Variants in AOPEP observed in about 807,000 individuals in gnomAD.
AOPEP encodes aminopeptidase O (putative), also known as aminopeptidase O.
A neutral mutation model predicts 98.1 loss-of-function variants in AOPEP; 77 were observed. The observed-to-expected ratio is 0.78, with a 90% CI of 0.65 to 0.95. AOPEP has a LOEUF of 0.95. Among genes scored for constraint, AOPEP ranks in the 40% least tolerant of loss-of-function variants. The probability of loss-of-function intolerance (pLI) is 0.00; values close to 1 mark genes in which losing one functional copy is unlikely to be tolerated. For missense variants in AOPEP, 1,024 were observed against 1,024.7 expected (o/e 1.00, Z 0.01); for synonymous variants, 346 against 365.3 (o/e 0.95, Z 0.60).
chr9:95,093,388 C>T, the AOPEP span, among the ~76,000 whole-genome samples: 1 of 152,272 alleles, frequency 6.6e-6, no homozygotes, highest in South Asian at 2.1e-4. Context: ...GAAACAAAAG[C>T]ACCACCACGG....
chr9:94,985,906 A>G (rs1389720464), intron 11 of AOPEP, among the ~76,000 whole-genome samples: 1 of 152,214 alleles, frequency 6.6e-6, no homozygotes, highest in Non-Finnish European at 1.5e-5. Flanking sequence ...GGCCCCCTCC[A>G]TAGGCTCTTC....
In AOPEP at chr9:94,760,156, A is replaced by G; in HGVS notation, c.373A>G (p.Ile125Val). The change falls in exon 2 of 17, where the codon ATT becomes GTT. Residue 125 changes from isoleucine to valine, a missense_variant. Ile to Val is a conservative substitution (Grantham distance 29). This residue lies in a region of AOPEP where 440 missense variants were observed against 433.8 expected (regional missense o/e 1.01). Transcript: ENST00000375315. The part of the protein sequence containing the change: ...NHDNQEHASG[I>V]SSSKYCCDTG... ...TGACAACCAGGAACATGCTTCTGGG[A>G]TTTCTAGCTCAAAGTACTGCTGTGA... 4 of 1,614,242 alleles carry G rather than the reference A, an allele frequency of 2.5e-6. No homozygotes were observed. The highest frequency in any genetic ancestry group is 3.4e-6 in the Non-Finnish European group (4 of 1,180,046).
chr9:94,855,393 A>G (rs1752068746), intron 5 of AOPEP, among the ~76,000 whole-genome samples: 1 of 151,860 alleles, frequency 6.6e-6, no homozygotes, highest in South Asian at 2.1e-4. Flanking sequence ...TTAGTTTATT[A>G]TTTAGAAATT....
At chr9:94,891,288 C>G (rs1300532800) in intron 5 of AOPEP, among the ~76,000 whole-genome samples, 1 of 152,118 alleles carries the variant, frequency 6.6e-6, no homozygotes, top group Non-Finnish European at 1.5e-5. Flanking sequence ...CTTTTTCTAT[C>G]CTGTCACTTT....
chr9:94,785,253 C>T (rs779155598), intron 3 of AOPEP, among the ~76,000 whole-genome samples: 8 of 152,232 alleles, frequency 5.3e-5, no homozygotes, highest in African/African-American at 9.6e-5. Flanking sequence ...AAATTTTAAA[C>T]TGCCTCTTGT....
chr9:95,144,350 G>A, the AOPEP span, among the ~76,000 whole-genome samples: 3 of 152,318 alleles, frequency 2.0e-5, no homozygotes, highest in South Asian at 6.2e-4. Flanking sequence ...TTATGGATTA[G>A]CAGACATAAC....
At chr9:94,852,445 G>C (rs1442703505) in intron 5 of AOPEP, among the ~76,000 whole-genome samples, 1 of 152,206 alleles carries the variant, frequency 6.6e-6, no homozygotes, top group Non-Finnish European at 1.5e-5. Flanking sequence ...GCAGTGGCTG[G>C]GAGTTGGACA....
the AOPEP span, chr9:95,125,080 A>G: frequency 6.8e-6 from 11 of 1,612,826 alleles, no homozygotes; most frequent in Middle Eastern, 1.6e-4. Context: ...ATGTGATATA[A>G]CAAACCTGCT....
intron 13 of AOPEP, among the ~76,000 whole-genome samples, chr9:95,025,411 C>T (rs940114739): frequency 6.6e-6 from 1 of 152,206 alleles, no homozygotes; most frequent in African/African-American, 2.4e-5. Flanking sequence ...GTGCTGGATA[C>T]GGCTCAGTGC....
chr9:94,803,563 C>T (rs1210058421), intron 5 of AOPEP, among the ~76,000 whole-genome samples: 1 of 152,144 alleles, frequency 6.6e-6, no homozygotes, highest in East Asian at 1.9e-4. Context: ...TGAGGAAAAA[C>T]ACATTTATAA....
the AOPEP span, chr9:95,126,547 A>T: frequency 6.2e-7 from 1 of 1,614,056 alleles, no homozygotes; most frequent in South Asian, 1.1e-5. Flanking sequence ...CTCATCAACA[A>T]CCCGGAATAT....
chr9:94,901,023 C>G (rs562939870), intron 5 of AOPEP: 1 of 152,288 alleles, frequency 6.6e-6, no homozygotes, highest in East Asian at 1.9e-4. Context: ...ATATTCCTTC[C>G]TGTTAAAAGG....
At chr9:94,917,216 C>T (rs138009651) in intron 5 of AOPEP, among the ~76,000 whole-genome samples, 3 of 151,548 alleles carry the variant, frequency 2.0e-5, no homozygotes, top group Admixed American at 6.6e-5. Context: ...GGGATGTATC[C>T]GCTGCTCTGC....
chr9:94,768,541 C>G (rs775252529), intron 2 of AOPEP, among the ~76,000 whole-genome samples: 3 of 152,218 alleles, frequency 2.0e-5, no homozygotes, highest in Non-Finnish European at 2.9e-5. Context: ...TATGTCTCAT[C>G]CTCATTTGAC....
chr9:94,950,044 G>A (rs146447620), intron 7 of AOPEP, among the ~76,000 whole-genome samples: 264 of 152,326 alleles, frequency 1.7e-3, no homozygotes, highest in African/African-American at 6.0e-3. Context: ...GGAGAGTATA[G>A]GCTACATTTG....
At chr9:94,763,072 T>TA in intron 2 of AOPEP, 1 of 436,364 alleles carries the variant, frequency 2.3e-6, no homozygotes, top group East Asian at 7.3e-5. Context: ...TTATCAGTTA[T>TA]ACCCGCTCTA....
chr9:94,760,593 A>G lies in AOPEP; in HGVS notation c.797+13A>G, dbSNP rs1265623954. 2.6e-6 allele frequency: 4 copies of G among 1,525,424 alleles called. No individual in the cohort carries two copies. The highest frequency in any genetic ancestry group is 4.5e-5 in the East Asian group (2 of 44,280). 94.5% of individuals were successfully genotyped at this position (1,525,424 alleles called of 1,614,324 possible). A position where few individuals can be genotyped will look rare whatever the true frequency, so the allele number is the denominator to read the frequency against. ...ACCAGAGTGGCAGGTAGGTTATCCAAGCACTTCAAAGCCCTGTGCCTGTTA... is the reference window on the plus strand; with the variant it reads ...ACCAGAGTGGCAGGTAGGTTATCCAGGCACTTCAAAGCCCTGTGCCTGTTA... On this transcript the variant is annotated intron_variant, in intron 2 of 16. Transcript: ENST00000375315.
At chr9:95,103,955 G>C in the AOPEP span, among the ~76,000 whole-genome samples, 1 of 152,234 alleles carries the variant, frequency 6.6e-6, no homozygotes, top group Admixed American at 6.5e-5. Flanking sequence ...TGGATGCCAA[G>C]ATAGAGGGCA....
At chr9:95,038,620 G>T (rs2065028763) in intron 13 of AOPEP, among the ~76,000 whole-genome samples, 1 of 152,186 alleles carries the variant, frequency 6.6e-6, no homozygotes, top group Non-Finnish European at 1.5e-5. Context: ...AGCACATCAG[G>T]TGTGCTCTGC....
Sources: allele counts gnomAD v4.1 joint callset (sites outside exome capture counted in the v4.1 genomes callset), GRCh38; gene constraint gnomAD v4.1.1; regional missense constraint gnomAD v4.1.1; transcripts MANE v1.5; gene names NCBI Gene and HGNC (gene_info 2026-07-23, HGNC 2026-07-21).